Variants in PLEKHH2 observed in about 807,000 individuals in gnomAD.
PLEKHH2 encodes the protein pleckstrin homology, MyTH4 and FERM domain containing H2, also known as pleckstrin homology domain-containing family H member 2.
Under a neutral mutation model 187.9 loss-of-function variants are expected in PLEKHH2, and 129 were observed. The observed-to-expected ratio is 0.69, with a 90% CI of 0.59 to 0.79. The LOEUF is 0.79. Among genes scored for constraint, PLEKHH2 ranks in the 30% least tolerant of loss-of-function variants. The probability of loss-of-function intolerance (pLI) is 0.00; values close to 1 mark genes in which losing one functional copy is unlikely to be tolerated. For missense variants in PLEKHH2, 2,076 were observed against 1,751.2 expected (o/e 1.19, Z -3.31); for synonymous variants, 686 against 605.6 (o/e 1.13, Z -1.95).
rs534767378 is a variant in PLEKHH2 at position 43,761,762 on chromosome 2, A to G, written c.4072-542A>G. Among the ~76,000 whole-genome samples the G allele has an allele frequency of 7.9e-5, 12 of 152,238 alleles. No individual in the cohort carries two copies. In the East Asian group the frequency reaches 2.1e-3, roughly 27 times the overall value. ...TTCGGTGGAAATTTTCATATTTCTC[A>G]TTACTATTGATTACACAGTTTCATA... On this transcript the variant is annotated intron_variant, in intron 27 of 29. Coordinates refer to ENST00000282406, the MANE Select transcript of PLEKHH2 (RefSeq NM_172069.4).
At chr2:43,695,419 A>T (rs1669037558) in intron 6 of PLEKHH2, among the ~76,000 whole-genome samples, 195 bp downstream of exon 6, 1 of 152,238 alleles carries the variant, frequency 6.6e-6, no homozygotes, top group African/African-American at 2.4e-5. Flanking sequence ...GGCAAAAAAG[A>T]GATGGAATTG....
chr2:43,673,982 C>T (rs1048795498), intron 2 of PLEKHH2, among the ~76,000 whole-genome samples: 2 of 152,008 alleles, frequency 1.3e-5, no homozygotes, highest in African/African-American at 4.8e-5. Context: ...GCCATAGGAG[C>T]AGAAAAAAAG....
chr2:43,754,627 A>G (rs966518857), intron 25 of PLEKHH2, among the ~76,000 whole-genome samples: 2 of 152,138 alleles, frequency 1.3e-5, no homozygotes, highest in African/African-American at 4.8e-5. Context: ...GATGCAACCC[A>G]TAGTCTCAAC....
intron 15 of PLEKHH2, 42 bp downstream of exon 15, chr2:43,712,425 G>A (rs770836723): frequency 1.5e-5 from 23 of 1,582,760 alleles, no homozygotes; most frequent in Non-Finnish European, 1.8e-5. Flanking sequence ...GGCAGCTATG[G>A]GCATGAGCCC....
At chr2:43,731,436 G>T in intron 18 of PLEKHH2, 54 bp from the exon 19 acceptor site, 2 of 1,161,290 alleles carry the variant, frequency 1.7e-6, no homozygotes, top group Non-Finnish European at 2.6e-6. Flanking sequence ...TTTAATAAGA[G>T]GCCACAATAA....
At position 43,755,548 on chromosome 2, in the gene PLEKHH2, C is replaced by T. The variant is rs1572666585; in HGVS notation, c.3796-1571C>T. On this transcript the variant is annotated intron_variant, in intron 25 of 29. Transcript: ENST00000282406. ...TTTCCACTTATCTATTGCTACATAA[C>T]TAATGACTCCAAAACTCAGCTACTT... is the stretch of plus-strand genomic sequence containing the variant. Among the ~76,000 whole-genome samples, 4 of 152,302 alleles carry T rather than the reference C, an allele frequency of 2.6e-5. No homozygotes were observed. In the South Asian group the frequency reaches 8.3e-4, roughly 32 times the overall value.
chr2:43,719,422 C>T (rs1408384328), intron 15 of PLEKHH2, among the ~76,000 whole-genome samples: 1 of 152,054 alleles, frequency 6.6e-6, no homozygotes. Context: ...TACTAGAATT[C>T]TTCAGGTTTT....
chr2:43,711,629 C>T (rs758951018), intron 14 of PLEKHH2: 11 of 929,488 alleles, frequency 1.2e-5, no homozygotes, highest in East Asian at 1.2e-4. Flanking sequence ...CGGTGGCTCA[C>T]GCCTGTAATC....
chr2:43,730,010 A>G (rs1287821285), intron 18 of PLEKHH2, among the ~76,000 whole-genome samples: 1 of 152,090 alleles, frequency 6.6e-6, no homozygotes, highest in Non-Finnish European at 1.5e-5. Context: ...CTTCGTTGGC[A>G]GTCCTCACCA....
intron 2 of PLEKHH2, among the ~76,000 whole-genome samples, chr2:43,652,006 A>G (rs1285624973): frequency 6.6e-6 from 1 of 152,208 alleles, no homozygotes; most frequent in African/African-American, 2.4e-5. Context: ...CTGCAAAGTA[A>G]ACTGACAATT....
chr2:43,709,001 T>C (rs1342080472), intron 11 of PLEKHH2, among the ~76,000 whole-genome samples: 1 of 152,232 alleles, frequency 6.6e-6, no homozygotes. Context: ...CTGGATACTT[T>C]TATAAATAAT....
chr2:43,686,536 G>C (rs1310305706), intron 3 of PLEKHH2, among the ~76,000 whole-genome samples: 1 of 152,132 alleles, frequency 6.6e-6, no homozygotes, highest in African/African-American at 2.4e-5. Flanking sequence ...ATACTGCTCA[G>C]TCATTCTAAT....
At chr2:43,681,297 CTCTG>C (rs1431477774) in intron 3 of PLEKHH2, 2 of 763,038 alleles carry the variant, frequency 2.6e-6, no homozygotes, top group Admixed American at 2.5e-5. Context: ...CTGACTGTAA[CTCTG>C]TCTGTGTTGG....
At chr2:43,739,253 A>G (rs1224976611) in intron 20 of PLEKHH2, among the ~76,000 whole-genome samples, 2 of 152,154 alleles carry the variant, frequency 1.3e-5, no homozygotes, top group Non-Finnish European at 2.9e-5. Context: ...GAATTTTCCT[A>G]TATCTTCAAC....
chr2:43,655,448 A>G (rs1472149230), intron 2 of PLEKHH2, among the ~76,000 whole-genome samples: 1 of 152,230 alleles, frequency 6.6e-6, no homozygotes, highest in Non-Finnish European at 1.5e-5. Context: ...CACTTTAGAA[A>G]CTAGGCATTT....
At chr2:43,741,619 G>T (rs904274678) in intron 21 of PLEKHH2, among the ~76,000 whole-genome samples, 2 of 152,144 alleles carry the variant, frequency 1.3e-5, no homozygotes, top group Non-Finnish European at 1.5e-5. Flanking sequence ...TTGGACTAAA[G>T]CAAACACAGT....
chr2:43,670,571 A>T (rs1667447951), intron 2 of PLEKHH2, among the ~76,000 whole-genome samples: 1 of 152,032 alleles, frequency 6.6e-6, no homozygotes, highest in African/African-American at 2.4e-5. Context: ...CATTCTCTTG[A>T]CTACTATTGG....
intron 2 of PLEKHH2, chr2:43,676,017 A>G (rs997039651): frequency 1.9e-6 from 3 of 1,613,982 alleles, no homozygotes; most frequent in Non-Finnish European, 1.7e-6. Flanking sequence ...CATTTTTAGT[A>G]TCGTAGAGCT....
At chr2:43,697,071 C>G in intron 6 of PLEKHH2, 100 bp from the exon 7 acceptor site, 1 of 962,152 alleles carries the variant, frequency 1.0e-6, no homozygotes, top group Non-Finnish European at 1.5e-6. Context: ...TTTTTTCTGG[C>G]ATAAAGAGTG....
Sources: gnomAD v4.1 joint callset for allele counts (sites outside exome capture counted in the v4.1 genomes callset) on GRCh38, gnomAD v4.1.1 for gene constraint, MANE v1.5 for transcripts, NCBI Gene and HGNC (gene_info 2026-07-23, HGNC 2026-07-21) for gene names.